The following NCKAP5 variants were observed in gnomAD, a reference collection of about 807,000 sequenced individuals.
The protein encoded by NCKAP5 is NCK associated protein 5.
In NCKAP5, 92 loss-of-function variants were observed where a neutral mutation model predicts 167.0. The ratio of observed to expected loss-of-function variants is 0.55; its 90% CI spans 0.47 to 0.66. NCKAP5 has a LOEUF of 0.66. NCKAP5 is among the 30% of genes least tolerant of loss of function. The probability of loss-of-function intolerance (pLI) is 0.00; values close to 1 mark genes in which losing one functional copy is unlikely to be tolerated. For synonymous variants in NCKAP5, 891 were observed against 877.4 expected, an observed-to-expected ratio of 1.02 and a Z score of -0.27; for missense variants, 2,378 against 2,315.0, an observed-to-expected ratio of 1.03 and a Z score of -0.56.
intron 6 of NCKAP5, among the ~76,000 whole-genome samples, chr2:133,048,050 T>A (rs2079464020): frequency 6.6e-6 from 1 of 152,212 alleles, no homozygotes; most frequent in South Asian, 2.1e-4. Flanking sequence ...TGTCTCCTTT[T>A]AGTATGAGAT....
At chr2:133,016,885 C>T (rs879289386) in intron 6 of NCKAP5, among the ~76,000 whole-genome samples, 8 of 152,104 alleles carry the variant, frequency 5.3e-5, no homozygotes, top group East Asian at 1.9e-4. Flanking sequence ...GATTGCCACT[C>T]AAATGAAAAC....
intron 9 of NCKAP5, among the ~76,000 whole-genome samples, chr2:132,870,368 G>A (rs942612508): frequency 1.3e-5 from 2 of 152,114 alleles, no homozygotes; most frequent in Non-Finnish European, 2.9e-5. Flanking sequence ...TACATACACT[G>A]TAAACATTTA....
intron 11 of NCKAP5, among the ~76,000 whole-genome samples, chr2:132,848,399 C>T (rs1381648562): frequency 6.6e-6 from 1 of 152,118 alleles, no homozygotes. Flanking sequence ...GCTTTTTGCA[C>T]TCATATCATT....
intron 8 of NCKAP5, among the ~76,000 whole-genome samples, chr2:132,941,391 G>A (rs1328767015): frequency 6.6e-6 from 1 of 152,162 alleles, no homozygotes; most frequent in Non-Finnish European, 1.5e-5. Context: ...CAAGGCCATG[G>A]TTATGCAATG....
chr2:133,029,469 G>A (rs550971651), intron 6 of NCKAP5, among the ~76,000 whole-genome samples: 1 of 152,222 alleles, frequency 6.6e-6, no homozygotes, highest in Admixed American at 6.5e-5. Flanking sequence ...GGGGAGCAGG[G>A]GGAGGTTCAT....
chr2:133,545,107 G>A lies in NCKAP5; in HGVS notation c.-62+13943C>T, dbSNP rs75914292. Among the ~76,000 whole-genome samples, 595 of 152,204 alleles carry A rather than the reference G, an allele frequency of 3.9e-3. 9 individuals carry two copies. The East Asian group carries it at 0.044, about 11-fold the overall frequency. ...CAAAGTCCTGATCAGGCACTGGGAG[G>A]GACACTCAAAAGGAAAGAGATGTAG... is the stretch of plus-strand genomic sequence containing the variant. On this transcript the variant is annotated intron_variant, in intron 2 of 19. Transcript: ENST00000409261.
chr2:133,534,966 TCTC>T (rs1295469726), intron 2 of NCKAP5, among the ~76,000 whole-genome samples: 5 of 152,180 alleles, frequency 3.3e-5, no homozygotes, highest in Non-Finnish European at 7.4e-5. Context: ...GATTCCAACT[TCTC>T]CACATCTTTT....
At chr2:132,873,055 C>A (rs1034005105) in intron 9 of NCKAP5, among the ~76,000 whole-genome samples, 1 of 151,990 alleles carries the variant, frequency 6.6e-6, no homozygotes, top group Admixed American at 6.6e-5. Context: ...AGTTGAACTT[C>A]GGAAAATATA....
chr2:133,128,000 C>T (rs2082458455), intron 6 of NCKAP5, among the ~76,000 whole-genome samples: 2 of 152,150 alleles, frequency 1.3e-5, no homozygotes, highest in African/African-American at 4.8e-5. Context: ...ATCCATCCTT[C>T]TTGTCCTGTT....
At chr2:133,444,507 G>T (rs1370054366) in intron 3 of NCKAP5, among the ~76,000 whole-genome samples, 2 of 151,958 alleles carry the variant, frequency 1.3e-5, no homozygotes, top group African/African-American at 4.8e-5. Context: ...GACTTGGCTT[G>T]TCCCTCTCTC....
At chr2:132,908,395 C>T (rs902245966) in intron 8 of NCKAP5, among the ~76,000 whole-genome samples, 5 of 152,066 alleles carry the variant, frequency 3.3e-5, no homozygotes, top group Admixed American at 3.3e-4. Flanking sequence ...ATGCAAGTAT[C>T]CAGAATCAAA....
At chr2:132,958,215 C>G (rs13011681) in intron 8 of NCKAP5, among the ~76,000 whole-genome samples, 56,308 of 151,954 alleles carry the variant, frequency 0.37, 12,345 homozygotes, top group African/African-American at 0.58. Context: ...TTGGGATATA[C>G]TAAGCCTTAT....
chr2:133,021,207 C>T (rs2078514679), intron 6 of NCKAP5, among the ~76,000 whole-genome samples: 1 of 152,022 alleles, frequency 6.6e-6, no homozygotes, highest in South Asian at 2.1e-4. Context: ...AAGCAGGTTA[C>T]GGCATGCAGA....
At chr2:132,847,502 T>C (rs1688750355) in intron 11 of NCKAP5, among the ~76,000 whole-genome samples, 1 of 152,200 alleles carries the variant, frequency 6.6e-6, no homozygotes, top group African/African-American at 2.4e-5. Flanking sequence ...CTATATATAT[T>C]GTTTTCCTTA....
intron 3 of NCKAP5, among the ~76,000 whole-genome samples, chr2:133,346,132 C>T (rs1203729383): frequency 2.0e-5 from 3 of 152,126 alleles, no homozygotes; most frequent in Non-Finnish European, 4.4e-5. Context: ...CAACGTTTGC[C>T]TCTTACCTAA....
intron 16 of NCKAP5, among the ~76,000 whole-genome samples, chr2:132,747,072 CA>C (rs1679708439): frequency 6.7e-6 from 1 of 148,632 alleles, no homozygotes; most frequent in African/African-American, 2.5e-5. Context: ...TATACATTTA[CA>C]AAAACTTACT....
chr2:133,395,449 C>T (rs563981568), intron 3 of NCKAP5, among the ~76,000 whole-genome samples: 1 of 152,274 alleles, frequency 6.6e-6, no homozygotes, highest in African/African-American at 2.4e-5. Flanking sequence ...GGTTACCACT[C>T]GGCCTTAACA....
chr2:132,900,212 C>A (rs879009790), intron 8 of NCKAP5, among the ~76,000 whole-genome samples: 1 of 152,096 alleles, frequency 6.6e-6, no homozygotes, highest in African/African-American at 2.4e-5. Flanking sequence ...TGTTTAAAAT[C>A]TTGTGAGATT....
chr2:133,482,839 A>G (rs1382410498), intron 3 of NCKAP5, among the ~76,000 whole-genome samples: 1 of 151,728 alleles, frequency 6.6e-6, no homozygotes, highest in African/African-American at 2.4e-5. Context: ...CTTCTCTATT[A>G]CTCTAACCCA....
Sources: gnomAD v4.1 joint callset for allele counts (sites outside exome capture counted in the v4.1 genomes callset) on GRCh38, gnomAD v4.1.1 for gene constraint, MANE v1.5 for transcripts, NCBI Gene and HGNC (gene_info 2026-07-23, HGNC 2026-07-21) for gene names.